ULK2: variants seen among roughly 807,000 people sequenced by gnomAD.
The protein encoded by ULK2 is serine/threonine-protein kinase ULK2.
ULK2 carries 76 observed loss-of-function variants against 127.5 expected under a neutral mutation model. The ratio of observed to expected loss-of-function variants is 0.60; its 90% CI spans 0.50 to 0.72. The LOEUF is 0.72. ULK2 is among the 30% of genes least tolerant of loss of function. The pLI, the probability that ULK2 is intolerant of heterozygous loss-of-function variation, is 0.00. For synonymous variants in ULK2, 452 were observed against 461.9 expected, an observed-to-expected ratio of 0.98 and a Z score of 0.28; for missense variants, 1,144 against 1,295.9, an observed-to-expected ratio of 0.88 and a Z score of 1.80.
At position 19,806,736 on chromosome 17, in the gene ULK2, T is replaced by C. The variant is rs113541448; in HGVS notation, c.1158-1906A>G. Among the ~76,000 whole-genome samples the C allele has an allele frequency of 7.7e-3, 1,170 of 152,314 alleles. 14 individuals are homozygous for C. The highest frequency in any genetic ancestry group is 0.026 in the African/African-American group (1,086 of 41,566). ...GTTAAGGAGAGGGAAAGTCTGTGTA[T>C]GTCCTGAGTCTCCAGCACATCTTCC... On this transcript the variant is annotated intron_variant, in intron 14 of 26. Transcript: ENST00000395544.
intron 3 of ULK2, among the ~76,000 whole-genome samples, chr17:19,853,254 C>A (rs1045823472): frequency 3.3e-5 from 5 of 151,508 alleles, no homozygotes; most frequent in South Asian, 4.2e-4. Context: ...CCTGCCTCAG[C>A]ACCCCCGAGT....
At chr17:19,847,572 A>G (rs1405766663) in intron 5 of ULK2, among the ~76,000 whole-genome samples, 1 of 152,012 alleles carries the variant, frequency 6.6e-6, no homozygotes, top group Non-Finnish European at 1.5e-5. Flanking sequence ...TTTTTGAGAC[A>G]AGAGTTTCAC....
intron 13 of ULK2, among the ~76,000 whole-genome samples, chr17:19,815,706 T>G (rs909369769): frequency 6.6e-6 from 1 of 152,244 alleles, no homozygotes; most frequent in Non-Finnish European, 1.5e-5. Flanking sequence ...GTTTAAAATG[T>G]TTCATGATTT....
intron 8 of ULK2, among the ~76,000 whole-genome samples, chr17:19,842,241 A>T (rs1247002624): frequency 8.3e-6 from 1 of 120,608 alleles, no homozygotes; most frequent in Non-Finnish European, 1.6e-5. Context: ...CTTGTTGCCC[A>T]GGCTGGAGTG....
intron 12 of ULK2, 93 bp downstream of exon 12, chr17:19,825,000 TA>T: frequency 8.4e-7 from 1 of 1,192,252 alleles, no homozygotes; most frequent in Non-Finnish European, 1.2e-6. Context: ...ACATTACACA[TA>T]AAAAGAATAT....
At position 19,809,732 on chromosome 17, in the gene ULK2, CAA is replaced by C. The variant is rs369486144; in HGVS notation, c.1157+644_1157+645del. ...TGGGTGACAGGACGAGACTCCGTCT[CAA>C]AAAAAAAAAAAAAAAAAAAAATTAG... On this transcript the variant is annotated intron_variant, in intron 14 of 26. Coordinates refer to ENST00000395544, the MANE Select transcript of ULK2 (RefSeq NM_014683.4). Among the ~76,000 whole-genome samples the C allele has an allele frequency of 5.2e-3, 469 of 90,456 alleles. 9 individuals are homozygous for C. In the East Asian group the frequency reaches 0.088, roughly 17 times the overall value. The allele number at this position is 90,456 out of a possible 152,430, so 59.3% of individuals were successfully genotyped here.
At chr17:19,812,482 A>T (rs759599877) in intron 13 of ULK2, among the ~76,000 whole-genome samples, 7 of 152,208 alleles carry the variant, frequency 4.6e-5, no homozygotes, top group Non-Finnish European at 1.0e-4. Context: ...GGCTAAGCCC[A>T]GCTACCTTAA....
rs761600757 is a variant in ULK2 at position 19,816,748 on chromosome 17, CAT to C, written c.1095_1096del (p.Cys366Ter). ...TGTGTACAAGTAGAAAAGATTCTCA[CAT>C]GAGTGGTCTGACGAGATGTTGTGTG... On this transcript the variant is annotated frameshift_variant and splice_region_variant, in exon 13 of 27. Coordinates refer to ENST00000395544, the MANE Select transcript of ULK2 (RefSeq NM_014683.4). LOFTEE classifies it high-confidence loss of function. The C allele has an allele frequency of 1.4e-5, 22 of 1,568,408 alleles. No homozygotes were observed. Among genetic ancestry groups the C allele is most frequent in the African/African-American group, 2.8e-5 (2 of 72,346 alleles).
intron 3 of ULK2, among the ~76,000 whole-genome samples, chr17:19,864,483 A>T (rs1223051375): frequency 6.6e-6 from 1 of 152,158 alleles, no homozygotes; most frequent in Non-Finnish European, 1.5e-5. Flanking sequence ...AAAAAAAAAA[A>T]AAGCTCTATT....
intron 10 of ULK2, 150 bp downstream of exon 10, chr17:19,838,351 A>T (rs1299699292): frequency 1.5e-6 from 1 of 650,378 alleles, no homozygotes; most frequent in African/African-American, 1.8e-5. Flanking sequence ...AGTAATAAGC[A>T]CTCAATAAAT....
intron 10 of ULK2, among the ~76,000 whole-genome samples, chr17:19,832,988 TG>T (rs1478974849): frequency 6.6e-6 from 1 of 151,968 alleles, no homozygotes; most frequent in African/African-American, 2.4e-5. Flanking sequence ...CCAGGCGTAG[TG>T]GTGTGCACCT....
intron 6 of ULK2, 49 bp from the exon 7 acceptor site, chr17:19,845,426 A>T (rs1385916933): frequency 4.5e-6 from 6 of 1,345,544 alleles, no homozygotes; most frequent in Non-Finnish European, 6.4e-6. Context: ...CTTCGCTCAT[A>T]CCTAACATAT....
At chr17:19,803,443 A>T (rs2152386924) in intron 15 of ULK2, among the ~76,000 whole-genome samples, 2 of 152,336 alleles carry the variant, frequency 1.3e-5, no homozygotes, top group Non-Finnish European at 2.9e-5. Context: ...AGCTTTATCC[A>T]TCTTTGCATT....
chr17:19,831,458 T>C (rs924686985), intron 10 of ULK2, among the ~76,000 whole-genome samples: 8 of 152,074 alleles, frequency 5.3e-5, no homozygotes, highest in Admixed American at 2.6e-4. Context: ...AAACACAACA[T>C]ACTAAAACTT....
chr17:19,843,637 G>A (rs2041816066), intron 7 of ULK2, among the ~76,000 whole-genome samples: 1 of 151,588 alleles, frequency 6.6e-6, no homozygotes, highest in Admixed American at 6.6e-5. Context: ...AAAGGAACTT[G>A]GGCTGTCTCC....
intron 16 of ULK2, among the ~76,000 whole-genome samples, chr17:19,801,155 C>G (rs927532061): frequency 5.9e-5 from 9 of 152,196 alleles, no homozygotes; most frequent in African/African-American, 2.2e-4. Context: ...TTATGCACTT[C>G]AACCTAGGGT....
At chr17:19,810,100 C>T (rs184279952) in intron 14 of ULK2, among the ~76,000 whole-genome samples, 14 of 150,402 alleles carry the variant, frequency 9.3e-5, no homozygotes, top group South Asian at 2.1e-4. Context: ...GCATGGTGGC[C>T]GGCACCTATA....
chr17:19,835,235 C>A (rs1205386818), intron 10 of ULK2, among the ~76,000 whole-genome samples: 4 of 150,626 alleles, frequency 2.7e-5, no homozygotes, highest in Non-Finnish European at 5.9e-5. Flanking sequence ...CTGCAAGCTC[C>A]GCCTCCCAGG....
chr17:19,790,680 T>TA (rs957629713), intron 20 of ULK2, among the ~76,000 whole-genome samples: 1 of 152,140 alleles, frequency 6.6e-6, no homozygotes, highest in Non-Finnish European at 1.5e-5. Flanking sequence ...ATAAATGAAC[T>TA]AAACTCTTCA....
Sources: gnomAD v4.1 joint callset for allele counts (sites outside exome capture counted in the v4.1 genomes callset) on GRCh38, gnomAD v4.1.1 for gene constraint, MANE v1.5 for transcripts, NCBI Gene and HGNC (gene_info 2026-07-23, HGNC 2026-07-21) for gene names.